UBE3D: variants seen among roughly 807,000 people sequenced by gnomAD.
UBE3D encodes ubiquitin protein ligase E3D, also known as E3 ubiquitin-protein ligase E3D.
In UBE3D, 48 loss-of-function variants were observed where a neutral mutation model predicts 49.6. The observed-to-expected ratio is 0.97, with a 90% CI of 0.77 to 1.23. The LOEUF is 1.23. Among genes scored for constraint, UBE3D ranks in the 50% most tolerant of loss-of-function variants. UBE3D has a pLI of 0.00. For synonymous variants in UBE3D, 189 were observed against 174.2 expected (o/e 1.08, Z -0.67); for missense variants, 452 against 468.4 (o/e 0.96, Z 0.32).
chr6:82,935,521 G>C (rs1774501570), intron 9 of UBE3D, among the ~76,000 whole-genome samples: 1 of 152,096 alleles, frequency 6.6e-6, no homozygotes, highest in Admixed American at 6.5e-5. Context: ...TATAATAGCT[G>C]ATCATTTTAT....
intron 8 of UBE3D, among the ~76,000 whole-genome samples, chr6:82,989,060 C>G (rs1328251888): frequency 6.6e-6 from 1 of 151,930 alleles, no homozygotes; most frequent in African/African-American, 2.4e-5. Flanking sequence ...ATGTATGTGT[C>G]ATTTATAGAT....
At position 82,973,466 on chromosome 6, in the gene UBE3D, C is replaced by T. The variant is rs116609917; in HGVS notation, c.1011-16016G>A. On this transcript the variant is annotated intron_variant, in intron 8 of 9. Coordinates refer to ENST00000369747, the MANE Select transcript of UBE3D (RefSeq NM_198920.3). ...GAGAAAAATGTTTGCTAAATTTTTC[C>T]GAGGTAGAACAAAATATTTTTAAAT... Among the ~76,000 whole-genome samples, 1,049 of 152,118 alleles carry T rather than the reference C, an allele frequency of 6.9e-3. 14 individuals carry two copies. Among genetic ancestry groups the T allele is most frequent in the African/African-American group, 0.024 (984 of 41,506 alleles).
At chr6:82,884,867 G>A in the UBE3D span, among the ~76,000 whole-genome samples, 8 of 152,230 alleles carry the variant, frequency 5.3e-5, no homozygotes, top group South Asian at 4.2e-4. Flanking sequence ...AAAGATTCCC[G>A]GTACTTTTGG....
At chr6:82,957,894 G>T (rs1461749879) in intron 8 of UBE3D, among the ~76,000 whole-genome samples, 1 of 152,136 alleles carries the variant, frequency 6.6e-6, no homozygotes, top group South Asian at 2.1e-4. Flanking sequence ...GGCCCTTATG[G>T]AACATTTAGC....
chr6:82,938,092 A>C (rs1398918144), intron 9 of UBE3D: 1 of 152,250 alleles, frequency 6.6e-6, no homozygotes, highest in African/African-American at 2.4e-5. Context: ...GTTCTATAAC[A>C]TTTAAGGAAT....
At position 82,960,085 on chromosome 6, in the gene UBE3D, A is replaced by C. The variant is rs919266004; in HGVS notation, c.1011-2635T>G. Among the ~76,000 whole-genome samples the C allele has an allele frequency of 5.3e-5, 8 of 152,200 alleles. 1 individual carries two copies. The highest frequency in any genetic ancestry group is 1.3e-4 in the Admixed American group (2 of 15,278). ...CCTAGCTCAGGAAGGCATCCTGTCC[A>C]CACAGCCTCATGAGACTCCAATTTC... is the stretch of plus-strand genomic sequence containing the variant. On this transcript the variant is annotated intron_variant, in intron 8 of 9. Coordinates refer to ENST00000369747, the MANE Select transcript of UBE3D (RefSeq NM_198920.3).
the UBE3D span, among the ~76,000 whole-genome samples, chr6:82,885,657 A>C: frequency 6.6e-6 from 1 of 152,278 alleles, no homozygotes; most frequent in Non-Finnish European, 1.5e-5. Flanking sequence ...AAAAGCCCTC[A>C]AGGGTACAAA....
intron 5 of UBE3D, chr6:83,037,938 A>G (rs1165835731): frequency 6.6e-6 from 1 of 152,462 alleles, no homozygotes; most frequent in African/African-American, 2.4e-5. Flanking sequence ...TACAGCCCCG[A>G]GCCAGATGGC....
At chr6:82,900,637 T>C (rs924186434) in intron 9 of UBE3D, among the ~76,000 whole-genome samples, 2 of 152,214 alleles carry the variant, frequency 1.3e-5, no homozygotes, top group African/African-American at 4.8e-5. Context: ...GCTTGTAAGG[T>C]TGCGACTGTG....
At chr6:82,941,161 G>A (rs977158407) in intron 9 of UBE3D, among the ~76,000 whole-genome samples, 1 of 152,130 alleles carries the variant, frequency 6.6e-6, no homozygotes, top group Non-Finnish European at 1.5e-5. Flanking sequence ...AGCTGAGATC[G>A]TGCCACTGGA....
At chr6:82,974,119 A>C (rs9449566) in intron 8 of UBE3D, among the ~76,000 whole-genome samples, 1 of 152,012 alleles carries the variant, frequency 6.6e-6, no homozygotes, top group Non-Finnish European at 1.5e-5. Flanking sequence ...GGTTTTTGTC[A>C]TTAAAAGGAA....
intron 9 of UBE3D, among the ~76,000 whole-genome samples, chr6:82,915,304 G>GA (rs1375937971): frequency 6.6e-6 from 1 of 152,090 alleles, no homozygotes; most frequent in Non-Finnish European, 1.5e-5. Context: ...GGAGATCACA[G>GA]AAAAAATAGT....
chr6:83,035,789 T>C (rs1782203920), intron 5 of UBE3D, among the ~76,000 whole-genome samples: 1 of 152,158 alleles, frequency 6.6e-6, no homozygotes, highest in Non-Finnish European at 1.5e-5. Context: ...ATTTTTGTTA[T>C]TGGATAATTT....
At chr6:83,010,680 G>A (rs1467103322) in intron 8 of UBE3D, among the ~76,000 whole-genome samples, 1 of 152,176 alleles carries the variant, frequency 6.6e-6, no homozygotes, top group Non-Finnish European at 1.5e-5. Context: ...AAGGAAGCTA[G>A]TCCCAAAGCT....
In UBE3D at chr6:83,044,490, G is replaced by C; in HGVS notation, c.535C>G (p.Gln179Glu). ...TCCACTGGGGATAGTTCAGGTCTTT[G>C]CTGCCACAAACTGGTTCTTAAATTC... ...LVNLRTSLWQ[Q>E]RPELSPVEMC... The change falls in exon 4 of 10, where the codon CAA becomes GAA. Residue 179 changes from glutamine (Q) to glutamate (E), a missense_variant. Coordinates refer to ENST00000369747, the MANE Select transcript of UBE3D (RefSeq NM_198920.3). The C allele has an allele frequency of 6.2e-7, 1 of 1,614,132 alleles. No individual in the cohort carries two copies. The highest frequency in any genetic ancestry group is 2.2e-5 in the East Asian group (1 of 44,884).
intron 7 of UBE3D, among the ~76,000 whole-genome samples, chr6:83,019,908 C>T (rs576192491): frequency 2.6e-5 from 4 of 152,208 alleles, no homozygotes; most frequent in Admixed American, 2.0e-4. Flanking sequence ...GGGACTGTGG[C>T]GGACAGGTAA....
At chr6:82,922,433 C>A (rs1416121061) in intron 9 of UBE3D, among the ~76,000 whole-genome samples, 2 of 152,086 alleles carry the variant, frequency 1.3e-5, no homozygotes, top group Non-Finnish European at 2.9e-5. Context: ...AACCCACAGA[C>A]AGTGTAAAAG....
intron 9 of UBE3D, among the ~76,000 whole-genome samples, chr6:82,914,545 G>A (rs12110905): frequency 5.6e-4 from 85 of 152,264 alleles, no homozygotes; most frequent in African/African-American, 1.9e-3. Context: ...GCACCTCGGC[G>A]TCAAGCAGGG....
chr6:83,061,167 A>T (rs1171956865), intron 1 of UBE3D, among the ~76,000 whole-genome samples: 1 of 152,232 alleles, frequency 6.6e-6, no homozygotes, highest in African/African-American at 2.4e-5. Context: ...AAGAAACATA[A>T]GACAAATCCA....
Sources: gnomAD v4.1 joint callset for allele counts (sites outside exome capture counted in the v4.1 genomes callset) on GRCh38, gnomAD v4.1.1 for gene constraint, MANE v1.5 for transcripts, NCBI Gene and HGNC (gene_info 2026-07-23, HGNC 2026-07-21) for gene names.